The following KMT2C variants were observed in gnomAD, a reference collection of about 807,000 sequenced individuals.
KMT2C encodes histone-lysine N-methyltransferase 2C.
A neutral mutation model predicts 507.9 loss-of-function variants in KMT2C; 88 were observed. The observed-to-expected ratio is 0.17, with a 90% CI of 0.15 to 0.21. KMT2C has a LOEUF of 0.21. KMT2C is among the 10% of genes least tolerant of loss of function. The probability of loss-of-function intolerance (pLI) is 1.00; values close to 1 mark genes in which losing one functional copy is unlikely to be tolerated. For missense variants in KMT2C, 4,954 were observed against 5,957.8 expected, an observed-to-expected ratio of 0.83 and a Z score of 5.55; for synonymous variants, 2,049 against 2,080.8, an observed-to-expected ratio of 0.98 and a Z score of 0.42.
At chr7:152,183,487 C>A (rs528767027) in intron 34 of KMT2C, among the ~76,000 whole-genome samples, 2 of 152,280 alleles carry the variant, frequency 1.3e-5, no homozygotes, top group South Asian at 4.1e-4. Flanking sequence ...TGGGGCCAGG[C>A]ATGGTGGCTC....
In KMT2C at chr7:152,148,789, C is replaced by A. The variant is rs764548280; in HGVS notation, c.13138G>T (p.Asp4380Tyr). 1 of 1,614,228 alleles carries A rather than the reference C, an allele frequency of 6.2e-7. No homozygotes were observed. The highest frequency in any genetic ancestry group is 1.3e-5 in the African/African-American group (1 of 75,074). Residue 4380 changes from aspartate (D) to tyrosine (Y), a missense_variant, in exon 52 of 59, where the codon GAT becomes TAT. Coordinates refer to ENST00000262189, the MANE Select transcript of KMT2C (RefSeq NM_170606.3). The surrounding 1 kb of genome is among the most constrained non-coding windows in gnomAD (Gnocchi z 7.1). Reference protein sequence around the residue: ...TFKPPCEDEIDEFLKKLGTSL... With the variant: ...TFKPPCEDEIYEFLKKLGTSL... Reference sequence around the variant, plus strand: ...GTGCCCAATTTCTTTAGAAATTCATCTATTTCATCCTCACAAGGTGGTTTA... The same window carrying A: ...GTGCCCAATTTCTTTAGAAATTCATATATTTCATCCTCACAAGGTGGTTTA...
At chr7:152,331,644 T>C (rs1406090984) in intron 2 of KMT2C, among the ~76,000 whole-genome samples, 3 of 89,174 alleles carry the variant, frequency 3.4e-5, no homozygotes, top group South Asian at 3.1e-4. Context: ...ACAAAAAGAT[T>C]TTTTTTTTTT....
rs770383934 is a variant in KMT2C, at chr7:152,248,622, T to A, written c.1814-2A>T. 6.3e-7 allele frequency: 1 copy of A among 1,578,564 alleles called. No individual in the cohort carries two copies. Among genetic ancestry groups the A allele is most frequent in the Non-Finnish European group, 8.7e-7 (1 of 1,154,594 alleles). On this transcript the variant is annotated splice_acceptor_variant, in intron 13 of 58. Transcript: ENST00000262189. LOFTEE classifies it high-confidence loss of function. The stretch of plus-strand genomic sequence containing the variant: ...TATTCACTGTATGTTGGGATGATAC[T>A]ACAAAATTCAGAACATTTGTTATGG...
chr7:152,348,299 G>A (rs540164475), intron 2 of KMT2C, among the ~76,000 whole-genome samples: 1 of 152,194 alleles, frequency 6.6e-6, no homozygotes, highest in East Asian at 1.9e-4. Context: ...TCTTTCAGGA[G>A]ATAAAGCATA....
intron 1 of KMT2C, among the ~76,000 whole-genome samples, chr7:152,398,335 G>A (rs546974413): frequency 6.6e-6 from 1 of 152,300 alleles, no homozygotes; most frequent in Admixed American, 6.5e-5. Flanking sequence ...TGAGATAGAT[G>A]TGTATAAGCT....
At chr7:152,288,198 A>G (rs2096341251) in intron 6 of KMT2C, among the ~76,000 whole-genome samples, 1 of 150,554 alleles carries the variant, frequency 6.6e-6, no homozygotes, top group Non-Finnish European at 1.5e-5. Context: ...GAGATTACCC[A>G]ACCTAAACAA....
chr7:152,297,840 TAATC>T (rs1310392675), intron 6 of KMT2C, among the ~76,000 whole-genome samples: 11 of 152,108 alleles, frequency 7.2e-5, no homozygotes, highest in South Asian at 4.2e-4. Flanking sequence ...AAACTGAAAA[TAATC>T]AATCAAAACT....
At chr7:152,252,153 A>T in intron 10 of KMT2C, 63 bp from the exon 11 acceptor site, 1 of 1,207,888 alleles carries the variant, frequency 8.3e-7, no homozygotes, top group Non-Finnish European at 1.2e-6. Context: ...AGGTAAAGAG[A>T]AGGCATTGCT....
At chr7:152,178,533 T>C (rs2093312072) in intron 37 of KMT2C, among the ~76,000 whole-genome samples, 2 of 152,174 alleles carry the variant, frequency 1.3e-5, no homozygotes, top group Non-Finnish European at 2.9e-5. Context: ...GCCTCATCTA[T>C]AAAGATTAAG....
At chr7:152,410,638 A>C (rs2097672773) in intron 1 of KMT2C, among the ~76,000 whole-genome samples, 1 of 147,460 alleles carries the variant, frequency 6.8e-6, no homozygotes, top group African/African-American at 2.5e-5. Context: ...AATATTATAT[A>C]TAATGTATAA....
chr7:152,359,302 A>C (rs532075178), intron 1 of KMT2C, among the ~76,000 whole-genome samples: 523 of 152,128 alleles, frequency 3.4e-3, no homozygotes, highest in Non-Finnish European at 6.4e-3. Context: ...AAAAAAAAAA[A>C]AACTAATGCC....
At chr7:152,361,172 G>C (rs892317280) in intron 1 of KMT2C, among the ~76,000 whole-genome samples, 1 of 152,088 alleles carries the variant, frequency 6.6e-6, no homozygotes, top group African/African-American at 2.4e-5. Flanking sequence ...TACAAAACCT[G>C]AAAGATGAAA....
At chr7:152,169,048 G>C in intron 41 of KMT2C, 138 bp downstream of exon 41, 2 of 559,028 alleles carry the variant, frequency 3.6e-6, no homozygotes, top group Middle Eastern at 2.7e-4. Flanking sequence ...TGCCTAATAG[G>C]GCAGTGATGT....
At chr7:152,419,005 G>C (rs1271295405) in intron 1 of KMT2C, among the ~76,000 whole-genome samples, 1 of 151,826 alleles carries the variant, frequency 6.6e-6, no homozygotes, top group African/African-American at 2.4e-5. Context: ...ACCAGCCTGG[G>C]TGACATAGTG....
At chr7:152,140,658 GAACTGAATTCTAGAATGCAGAAATC>G (rs1397705611) in intron 55 of KMT2C, among the ~76,000 whole-genome samples, 9 of 152,278 alleles carry the variant, frequency 5.9e-5, no homozygotes, top group Admixed American at 2.0e-4. Context: ...TTCTAGAATT[GAACTGAATTCTAGAATGCAGAAATC>G]AACTGCATTC....
intron 23 of KMT2C, among the ~76,000 whole-genome samples, chr7:152,215,062 T>C (rs2094539429): frequency 1.3e-5 from 2 of 149,546 alleles, no homozygotes; most frequent in South Asian, 4.2e-4. Flanking sequence ...CAGATATGTG[T>C]AATAAAAATA....
rs1587999549 is a variant in KMT2C at position 152,181,583 on chromosome 7, G to C, written c.6277C>G (p.Pro2093Ala). The C allele has an allele frequency of 6.2e-7, 1 of 1,614,030 alleles. No individual in the cohort carries two copies. The highest frequency in any genetic ancestry group is 8.5e-7 in the Non-Finnish European group (1 of 1,180,008). Residue 2093 changes from proline to alanine, a missense_variant, in exon 36 of 59, where the codon CCA becomes GCA. Physicochemically the swap from Pro to Ala is conservative, Grantham distance 27 (BLOSUM62 -1). Around this residue, in one of 29 missense-constraint regions of KMT2C, gnomAD observed 1,689 missense variants for 1,654.3 expected, o/e 1.02. Coordinates refer to ENST00000262189, the MANE Select transcript of KMT2C (RefSeq NM_170606.3). ...GGGGTAAGGGGAGGCTGACTATATG[G>C]ATCATTTGACTGATTATGAGAAAAA... Reference protein sequence around the residue: ...DNFSHNQSNDPYSQPPLTPHP... With the variant: ...DNFSHNQSNDAYSQPPLTPHP...
rs376104769 is a variant in KMT2C, at chr7:152,163,625, T to C, written c.9952A>G (p.Thr3318Ala). 1.9e-6 allele frequency: 3 copies of C among 1,610,476 alleles called. No individual in the cohort carries two copies. Among genetic ancestry groups the C allele is most frequent in the African/African-American group, 2.7e-5 (2 of 74,826 alleles). Residue 3318 changes from threonine (T) to alanine (A), a missense_variant, in exon 43 of 59, where the codon ACA (threonine) becomes GCA (alanine). Physicochemically the swap from Thr to Ala is moderately conservative, Grantham distance 58 (BLOSUM62 0). This residue lies in a region of KMT2C where 801 missense variants were observed against 751.2 expected (regional missense o/e 1.07). Coordinates refer to ENST00000262189, the MANE Select transcript of KMT2C (RefSeq NM_170606.3). ...PQQLQHQQHTTVISGHTSPVR... is the reference protein window; with the variant it reads ...PQQLQHQQHTAVISGHTSPVR... ...GGGCTAGTATGGCCAGAAATAACTG[T>C]TGTGTGCTGCTGGTGCTGAAGCTGC...
At chr7:152,292,928 A>G (rs1189968611) in intron 6 of KMT2C, among the ~76,000 whole-genome samples, 1 of 152,130 alleles carries the variant, frequency 6.6e-6, no homozygotes, top group Non-Finnish European at 1.5e-5. Flanking sequence ...CCACTCTTCT[A>G]GTTTTCTGAT....
Sources: allele counts gnomAD v4.1 joint callset (sites outside exome capture counted in the v4.1 genomes callset), GRCh38; gene constraint gnomAD v4.1.1; regional missense constraint gnomAD v4.1.1; non-coding constraint Gnocchi (gnomAD v3.1); transcripts MANE v1.5; gene names NCBI Gene and HGNC (gene_info 2026-07-23, HGNC 2026-07-21).